SH3D21: variants seen among roughly 807,000 people sequenced by gnomAD.
The protein encoded by SH3D21 is manchette microtubule inner protein 1.
In SH3D21, 83 loss-of-function variants were observed where a neutral mutation model predicts 82.1. The ratio of observed to expected loss-of-function variants is 1.01; its 90% confidence interval spans 0.85 to 1.21. The LOEUF (loss-of-function observed/expected upper bound fraction) is 1.21. Among genes scored for constraint, SH3D21 ranks in the 50% most tolerant of loss-of-function variants. SH3D21 has a pLI of 0.00. For synonymous variants in SH3D21, 383 were observed against 387.8 expected (o/e 0.99, Z 0.15); for missense variants, 980 against 962.1 (o/e 1.02, Z -0.25).
At chr1:36,318,694 T>C (rs1424137371) in intron 10 of SH3D21, among the ~76,000 whole-genome samples, 2 of 151,368 alleles carry the variant, frequency 1.3e-5, no homozygotes, top group African/African-American at 4.9e-5. Context: ...GATCACGAGA[T>C]CAGGAGATGA....
rs1437649089 is a variant in SH3D21, at chr1:36,307,512, C to T, written c.346-5C>T. ...AGACGCCTCTGCGTCCTCCCCTCTC[C>T]CCAGATTGAGGACGGCTGGTGGCTG... On this transcript the variant is annotated splice_region_variant and splice_polypyrimidine_tract_variant and intron_variant, in intron 4 of 15. Coordinates refer to ENST00000453908, the MANE Select transcript of SH3D21 (RefSeq NM_001162530.2). The surrounding 1 kb of genome is among the most constrained non-coding windows in gnomAD (Gnocchi z 5.4). 1 of 1,551,526 alleles carries T rather than the reference C, an allele frequency of 6.4e-7. No homozygotes were observed. Among genetic ancestry groups the T allele is most frequent in the Non-Finnish European group, 8.7e-7 (1 of 1,146,902 alleles).
Position 36,306,862 on chromosome 1 carries a change from G to A in SH3D21, c.183G>A (p.Arg61=), listed in dbSNP as rs1033021694. The A allele has an allele frequency of 7.7e-7, 1 of 1,298,230 alleles. No homozygotes were observed. The highest frequency in any genetic ancestry group is 1.0e-6 in the Non-Finnish European group (1 of 993,214). The allele number at this position is 1,298,230 out of a possible 1,614,324, so 80.4% of individuals were successfully genotyped here. ...RLVQEIPETL[R]GSGEARRPRC... ...CCCAGGAGATCCCAGAGACCCTGCG[G>A]GGCTCCGGAGAGGCGCGGAGGCCGC... The change falls in exon 3 of 16, where the codon CGG becomes CGA. Residue 61 remains arginine (R), a synonymous_variant. Coordinates refer to ENST00000453908, the MANE Select transcript of SH3D21 (RefSeq NM_001162530.2). The surrounding 1 kb of genome is among the most constrained non-coding windows in gnomAD (Gnocchi z 4.5).
At position 36,320,506 on chromosome 1, in the gene SH3D21, G is replaced by A; in HGVS notation, c.1843G>A (p.Glu615Lys). The part of the protein sequence containing the change: ...PPNEQRPLRE[E>K]VLPKEGVASK... ...CAACGAGCAGAGGCCTCTGAGAGAG[G>A]AGGTGCTCCCCAAAGAGGGAGTGGC... The change falls in exon 14 of 16, where the codon GAG becomes AAG. Residue 615 changes from glutamate to lysine, a missense_variant. Physicochemically the swap from Glu to Lys is moderately conservative, Grantham distance 56. Transcript: ENST00000453908. 1 of 1,614,160 alleles carries A rather than the reference G, an allele frequency of 6.2e-7. No individual in the cohort carries two copies. Among genetic ancestry groups the A allele is most frequent in the Non-Finnish European group, 8.5e-7 (1 of 1,180,020 alleles).
Position 36,306,505 on chromosome 1 carries a change from GC to G in SH3D21, c.4+84del, listed in dbSNP as rs1557468455. ...CCCACACCACCCCCCGACCCCCGCT[GC>G]CCTCTACGGTGCTTGGGGACACGCC... On this transcript the variant is annotated intron_variant, in intron 1 of 15. Coordinates refer to ENST00000453908, the MANE Select transcript of SH3D21 (RefSeq NM_001162530.2). The surrounding 1 kb of genome is among the most constrained non-coding windows in gnomAD (Gnocchi z 4.5). 7.7e-7 allele frequency: 1 copy of G among 1,304,410 alleles called. No individual in the cohort carries two copies. The allele number at this position is 1,304,410 out of a possible 1,614,324, so 80.8% of individuals were successfully genotyped here.
rs1403659871 is a variant in SH3D21, at chr1:36,307,872, G to A, written c.493-46G>A. 3.9e-6 allele frequency: 6 copies of A among 1,551,730 alleles called. No homozygotes were observed. The highest frequency in any genetic ancestry group is 2.4e-5 in the South Asian group (2 of 84,064). ...ACAGAGGTGGTGAGTTCCTCTTGGG[G>A]TGGTTGGAGGCTCATCTAGTTCCTC... On this transcript the variant is annotated intron_variant, in intron 6 of 15. Coordinates refer to ENST00000453908, the MANE Select transcript of SH3D21 (RefSeq NM_001162530.2). This position sits in a 1 kb window ranked among gnomAD's most constrained non-coding sequence, Gnocchi z 5.4.
chr1:36,307,088 A>T lies in SH3D21; in HGVS notation c.227-79A>T, dbSNP rs1353926646. On this transcript the variant is annotated intron_variant, in intron 3 of 15. Coordinates refer to ENST00000453908, the MANE Select transcript of SH3D21 (RefSeq NM_001162530.2). The surrounding 1 kb of genome is among the most constrained non-coding windows in gnomAD (Gnocchi z 5.4). Reference sequence around the variant, plus strand: ...GGCGGGGCTGGAGGGACCAAAGGCTACGTGCGCGCCTTGCGCTTCCCCCAG... The same window carrying T: ...GGCGGGGCTGGAGGGACCAAAGGCTTCGTGCGCGCCTTGCGCTTCCCCCAG... The T allele has an allele frequency of 6.5e-7, 1 of 1,536,044 alleles. No individual in the cohort carries two copies. The highest frequency in any genetic ancestry group is 8.8e-7 in the Non-Finnish European group (1 of 1,138,570).
downstream of SH3D21, among the ~76,000 whole-genome samples, chr1:36,326,476 C>A (rs1646546862): frequency 6.6e-6 from 1 of 152,254 alleles, no homozygotes; most frequent in South Asian, 2.1e-4. Flanking sequence ...GGTGATCTGC[C>A]CACCTTGGCC....
At position 36,308,093 on chromosome 1, in the gene SH3D21, A is replaced by C; in HGVS notation, c.539-16A>C. The C allele has an allele frequency of 6.5e-7, 1 of 1,545,550 alleles. No individual in the cohort carries two copies. The highest frequency in any genetic ancestry group is 8.7e-7 in the Non-Finnish European group (1 of 1,143,168). On this transcript the variant is annotated splice_polypyrimidine_tract_variant and intron_variant, in intron 7 of 15. Coordinates refer to ENST00000453908, the MANE Select transcript of SH3D21 (RefSeq NM_001162530.2). ...GAGGCTTGGCTTCAGAGGACAGTGG[A>C]CTGACCTCTTCCCAGTCTCCCACCC...
Position 36,307,085 on chromosome 1 carries a change from G to T in SH3D21, c.227-82G>T, listed in dbSNP as rs1646140642. 1.3e-6 allele frequency: 2 copies of T among 1,534,826 alleles called. No homozygotes were observed. The highest frequency in any genetic ancestry group is 1.8e-6 in the Non-Finnish European group (2 of 1,138,150). ...TGGGGCGGGGCTGGAGGGACCAAAG[G>T]CTACGTGCGCGCCTTGCGCTTCCCC... On this transcript the variant is annotated intron_variant, in intron 3 of 15. Coordinates refer to ENST00000453908, the MANE Select transcript of SH3D21 (RefSeq NM_001162530.2). The surrounding 1 kb of genome is among the most constrained non-coding windows in gnomAD (Gnocchi z 5.4).
At chr1:36,308,534 G>A (rs1646176834) in intron 9 of SH3D21, 59 bp downstream of exon 9, 1 of 1,425,452 alleles carries the variant, frequency 7.0e-7, no homozygotes, top group Non-Finnish European at 9.7e-7. Flanking sequence ...ACAAAGGTGG[G>A]GATCATGGGC....
At chr1:36,323,138 C>T, downstream of SH3D21, 1 of 1,349,796 alleles carries the variant, frequency 7.4e-7, no homozygotes, top group Non-Finnish European at 1.0e-6. Flanking sequence ...CGGGCAGCTC[C>T]TCTCCCGGGA....
At chr1:36,314,124 C>T (rs867046249) in intron 10 of SH3D21, among the ~76,000 whole-genome samples, 11 of 150,664 alleles carry the variant, frequency 7.3e-5, no homozygotes, top group East Asian at 2.0e-4. Context: ...TACAGGCGCC[C>T]GCCACCACAC....
At chr1:36,313,426 A>T (rs1335509778) in intron 10 of SH3D21, among the ~76,000 whole-genome samples, 7 of 151,862 alleles carry the variant, frequency 4.6e-5, no homozygotes, top group Non-Finnish European at 8.8e-5. Flanking sequence ...ATTTTTTTTC[A>T]TTATGGGATT....
At chr1:36,308,883 G>A (rs772280302) in intron 9 of SH3D21, among the ~76,000 whole-genome samples, 5 of 151,548 alleles carry the variant, frequency 3.3e-5, no homozygotes, top group Non-Finnish European at 2.9e-5. Flanking sequence ...CTCAGGAGGC[G>A]GAGGTTGCAG....
chr1:36,306,878 C>T lies in SH3D21; in HGVS notation c.199C>T (p.Arg67Trp), dbSNP rs1646133472. 5.4e-6 allele frequency: 7 copies of T among 1,302,334 alleles called. No homozygotes were observed. The South Asian group carries it at 7.5e-5, about 14-fold the overall frequency. The allele number at this position is 1,302,334 out of a possible 1,614,324, so 80.7% of individuals were successfully genotyped here. Reference protein sequence around the residue: ...PETLRGSGEARRPRCARRRGH... With the variant: ...PETLRGSGEAWRPRCARRRGH... The stretch of plus-strand genomic sequence containing the variant: ...GACCCTGCGGGGCTCCGGAGAGGCG[C>T]GGAGGCCGCGCTGTGCGCGCCGCCG... Residue 67 changes from arginine (R) to tryptophan (W), a missense_variant, in exon 3 of 16, where the codon CGG becomes TGG. Physicochemically the swap from Arg to Trp is moderately radical, Grantham distance 101. Transcript: ENST00000453908. This position sits in a 1 kb window ranked among gnomAD's most constrained non-coding sequence, Gnocchi z 4.5.
chr1:36,325,942 A>G (rs1242941732), downstream of SH3D21, among the ~76,000 whole-genome samples: 1 of 152,242 alleles, frequency 6.6e-6, no homozygotes, highest in African/African-American at 2.4e-5. Context: ...AATAGAAGAT[A>G]ATCTCAGATG....
chr1:36,317,953 A>C (rs1289258525), intron 10 of SH3D21, among the ~76,000 whole-genome samples: 1 of 152,188 alleles, frequency 6.6e-6, no homozygotes, highest in African/African-American at 2.4e-5. Flanking sequence ...TCCCCAATAG[A>C]ACACAAGTTC....
Position 36,306,510 on chromosome 1 carries a change from C to A in SH3D21, c.4+86C>A. The A allele has an allele frequency of 7.7e-7, 1 of 1,304,392 alleles. No individual in the cohort carries two copies. The highest frequency in any genetic ancestry group is 1.0e-6 in the Non-Finnish European group (1 of 988,672). 80.8% of individuals were successfully genotyped at this position (1,304,392 alleles called of 1,614,324 possible). ...ACCACCCCCCGACCCCCGCTGCCCT[C>A]TACGGTGCTTGGGGACACGCCCGCC... On this transcript the variant is annotated intron_variant, in intron 1 of 15. Transcript: ENST00000453908. This position sits in a 1 kb window ranked among gnomAD's most constrained non-coding sequence, Gnocchi z 4.5.
At position 36,320,529 on chromosome 1, in the gene SH3D21, G is replaced by A. The variant is rs1450884540; in HGVS notation, c.1866G>A (p.Val622=). 1.2e-6 allele frequency: 2 copies of A among 1,614,062 alleles called. No individual in the cohort carries two copies. Among genetic ancestry groups the A allele is most frequent in the South Asian group, 2.2e-5 (2 of 91,080 alleles). Residue 622 remains valine, a synonymous_variant, in exon 14 of 16, where the codon GTG becomes GTA. Transcript: ENST00000453908. ...LREEVLPKEG[V]ASKEEVTLKE... ...AGGAGGTGCTCCCCAAAGAGGGAGT[G>A]GCTTCCAAAGAGGAGGTGACCCTGA...
Sources: allele counts gnomAD v4.1 joint callset (sites outside exome capture counted in the v4.1 genomes callset), GRCh38; gene constraint gnomAD v4.1.1; non-coding constraint Gnocchi (gnomAD v3.1); transcripts MANE v1.5; gene names NCBI Gene and HGNC (gene_info 2026-07-23, HGNC 2026-07-21).